CARMIL3: variants seen among roughly 807,000 people sequenced by gnomAD.
CARMIL3 encodes the protein capping protein regulator and myosin 1 linker 3.
In CARMIL3, 88 loss-of-function variants were observed where a neutral mutation model predicts 180.8. That is an observed-to-expected ratio of 0.49 (90% CI 0.41 to 0.58). CARMIL3 has a LOEUF of 0.58. Among genes scored for constraint, CARMIL3 ranks in the 20% least tolerant of loss-of-function variants. The pLI, the probability that CARMIL3 is intolerant of heterozygous loss-of-function variation, is 0.00. For missense variants in CARMIL3, 1,548 were observed against 1,787.0 expected (o/e 0.87, Z 2.41); for synonymous variants, 696 against 714.5 (o/e 0.97, Z 0.41).
At chr14:24,055,180 G>T in intron 7 of CARMIL3, 44 bp downstream of exon 7, 1 of 1,614,024 alleles carries the variant, frequency 6.2e-7, no homozygotes, top group South Asian at 1.1e-5. Flanking sequence ...GGGACCTGGA[G>T]GGAAGGGGCT....
rs774987708 is a variant in CARMIL3, at chr14:24,061,597, G to C, written c.2405G>C (p.Arg802Pro). ...HNKMLSNVAE[R>P]VTVPRNFIRG... ...AAGATGCTGAGCAATGTGGCGGAGC[G>C]TGTCACTGTGCCCCGGAACTTCATC... Residue 802 changes from arginine to proline, a missense_variant, in exon 27 of 40, where the codon CGT becomes CCT. Coordinates refer to ENST00000342740, the MANE Select transcript of CARMIL3 (RefSeq NM_138360.4). This position sits in a 1 kb window ranked among gnomAD's most constrained non-coding sequence, Gnocchi z 4.1. The C allele has an allele frequency of 6.2e-7, 1 of 1,613,978 alleles. No homozygotes were observed. The highest frequency in any genetic ancestry group is 8.5e-7 in the Non-Finnish European group (1 of 1,179,990).
intron 11 of CARMIL3, 113 bp from the exon 12 acceptor site, chr14:24,056,509 C>G (rs946080724): frequency 3.1e-5 from 45 of 1,459,130 alleles, no homozygotes; most frequent in Non-Finnish European, 3.9e-5. Context: ...TGCCCTGACA[C>G]CTCCATCCTT....
intron 1 of CARMIL3, 83 bp from the exon 2 acceptor site, chr14:24,053,626 C>A (rs1468131262): frequency 2.0e-6 from 2 of 1,003,176 alleles, no homozygotes; most frequent in Non-Finnish European, 3.0e-6. Flanking sequence ...TTGACCCTGA[C>A]CCTGCCTCTA....
chr14:24,055,915 C>A (rs549979731), intron 10 of CARMIL3, 126 bp downstream of exon 10: 6 of 929,208 alleles, frequency 6.5e-6, no homozygotes, highest in South Asian at 5.9e-5. Flanking sequence ...GAAGAGGAGA[C>A]CAAGGCCAAA....
chr14:24,063,734 G>A (rs187695296), intron 31 of CARMIL3, among the ~76,000 whole-genome samples: 93 of 152,248 alleles, frequency 6.1e-4, no homozygotes, highest in African/African-American at 2.2e-3. Flanking sequence ...TCTGTCTGCC[G>A]GGCAGTGTCA....
In CARMIL3 at chr14:24,053,705, T is replaced by A. The variant is rs1257779846; in HGVS notation, c.41-4T>A. 1 of 1,605,854 alleles carries A rather than the reference T, an allele frequency of 6.2e-7. No homozygotes were observed. On this transcript the variant is annotated splice_region_variant and splice_polypyrimidine_tract_variant and intron_variant, in intron 1 of 39. Transcript: ENST00000342740. ...GCTCTGAGCAGGCTCCCACCCCCCC[T>A]CAGACAGCATCCGGAGGTGCCTGAG... is the stretch of plus-strand genomic sequence containing the variant.
At chr14:24,066,788 GT>G in intron 36 of CARMIL3, 132 bp downstream of exon 36, 2 of 907,442 alleles carry the variant, frequency 2.2e-6, no homozygotes, top group Non-Finnish European at 3.4e-6. Flanking sequence ...CAGTGAAAAT[GT>G]TTAAGGATAT....
chr14:24,062,483 A>G lies in CARMIL3; in HGVS notation c.2484A>G (p.Glu828=), dbSNP rs1335508213. 1 of 1,614,102 alleles carries G rather than the reference A, an allele frequency of 6.2e-7. No homozygotes were observed. Among genetic ancestry groups the G allele is most frequent in the Admixed American group, 1.7e-5 (1 of 60,028 alleles). The change falls in exon 28 of 40, where the codon GAA becomes GAG. Residue 828 remains glutamate (E), a synonymous_variant. Transcript: ENST00000342740. ...AGQDIQNKLD[E]VKLSVVTYLT... is the part of the protein sequence containing the mutation. ...GTAGCCCCACCTGTGCCCACAGTGA[A>G]GTGAAGCTCTCAGTCGTCACCTACC...
Position 24,069,533 on chromosome 14 carries a change from TG to T in CARMIL3, c.*134del. Reference sequence around the variant, plus strand: ...AGGGGCAAGACGGCAGGACCAGGCATGGGGGAGCTGGAGGCAGGGACTAGAA... The same window carrying T: ...AGGGGCAAGACGGCAGGACCAGGCATGGGGAGCTGGAGGCAGGGACTAGAA... On this transcript the variant is annotated 3_prime_UTR_variant, in exon 40 of 40. Coordinates refer to ENST00000342740, the MANE Select transcript of CARMIL3 (RefSeq NM_138360.4). The T allele has an allele frequency of 2.4e-6, 3 of 1,234,216 alleles. No homozygotes were observed. The highest frequency in any genetic ancestry group is 5.0e-5 in the East Asian group (2 of 39,886). The allele number at this position is 1,234,216 out of a possible 1,614,324, so 76.5% of individuals were successfully genotyped here. A position where few individuals can be genotyped will look rare whatever the true frequency, so the allele number is the denominator to read the frequency against.
rs1379740074 is a variant in CARMIL3 at position 24,069,169 on chromosome 14, CT to C, written c.4016del (p.Leu1339ArgfsTer138). The C allele has an allele frequency of 2.5e-6, 4 of 1,613,994 alleles. No homozygotes were observed. Among genetic ancestry groups the C allele is most frequent in the Non-Finnish European group, 3.4e-6 (4 of 1,180,018 alleles). Reference sequence around the variant, plus strand: ...TGATCCAGGCCGGCGGACTGCCCCCCTGAAGCCCAAGAGGACACGGCGGGCA... The same window carrying C: ...TGATCCAGGCCGGCGGACTGCCCCCCGAAGCCCAAGAGGACACGGCGGGCA... ...PPDPGRRTAP[L>X]KPKRTRRAQS... On this transcript the variant is annotated frameshift_variant, in exon 39 of 40. Transcript: ENST00000342740. LOFTEE classifies it high-confidence loss of function.
chr14:24,055,115 C>A lies in CARMIL3; in HGVS notation c.510C>A (p.His170Gln), dbSNP rs774654357. The change falls in exon 7 of 40, where the codon CAC becomes CAA. Residue 170 changes from histidine (H) to glutamine (Q), a missense_variant. This residue lies in a region of CARMIL3 where 578 missense variants were observed against 666.5 expected (regional missense o/e 0.87). Coordinates refer to ENST00000342740, the MANE Select transcript of CARMIL3 (RefSeq NM_138360.4). ...YAALCDYNGL[H>Q]CREEVQWDVD... Reference sequence around the variant, plus strand: ...CTCTGTGTGACTACAATGGGCTACACTGCCGTGAGGAGGTTCAATGGGTAT... The same window carrying A: ...CTCTGTGTGACTACAATGGGCTACAATGCCGTGAGGAGGTTCAATGGGTAT... 11 of 1,613,848 alleles carry A rather than the reference C, an allele frequency of 6.8e-6. No individual in the cohort carries two copies. The East Asian group carries it at 2.2e-4, about 33-fold the overall frequency.
In CARMIL3 at chr14:24,060,076, G is replaced by A. The variant is rs550796186; in HGVS notation, c.1962+13G>A. On this transcript the variant is annotated intron_variant, in intron 23 of 39. Transcript: ENST00000342740. The stretch of plus-strand genomic sequence containing the variant: ...CGTCTGGCAGAAGGTGCAGGGTGCT[G>A]TCCTAAGCAGGGTGGCACAGCAAGG... 6.2e-7 allele frequency: 1 copy of A among 1,613,722 alleles called. No homozygotes were observed. Among genetic ancestry groups the A allele is most frequent in the Admixed American group, 1.7e-5 (1 of 60,012 alleles).
chr14:24,063,088 C>G lies in CARMIL3; in HGVS notation c.2707-32C>G, dbSNP rs374184762. 1.4e-4 allele frequency: 230 copies of G among 1,606,834 alleles called. 1 individual carries two copies. Among genetic ancestry groups the G allele is most frequent in the Non-Finnish European group, 1.8e-4 (217 of 1,174,168 alleles). ...GGAATGGATGGCTCTGGGTGAGGTG[C>G]CTGGCCCTGCCACTCGTCTTCATTT... On this transcript the variant is annotated intron_variant, in intron 29 of 39. Coordinates refer to ENST00000342740, the MANE Select transcript of CARMIL3 (RefSeq NM_138360.4).
Position 24,066,599 on chromosome 14 carries a change from C to G in CARMIL3, c.3625C>G (p.Gln1209Glu). The change falls in exon 36 of 40, where the codon CAA (glutamine) becomes GAA (glutamate). Residue 1209 changes from glutamine (Q) to glutamate (E), a missense_variant. Transcript: ENST00000342740. ...ATCCTGGAAGCCCCCACCACCGCCC[C>G]AAAGCACCAAACCAAGCTTCAGCGC... is the stretch of plus-strand genomic sequence containing the variant. The part of the protein sequence containing the change: ...PGSWKPPPPP[Q>E]STKPSFSAMR... 1 of 1,614,246 alleles carries G rather than the reference C, an allele frequency of 6.2e-7. No homozygotes were observed. Among genetic ancestry groups the G allele is most frequent in the South Asian group, 1.1e-5 (1 of 91,090 alleles).
At position 24,053,812 on chromosome 14, in the gene CARMIL3, A is replaced by T. The variant is rs1195082826; in HGVS notation, c.135+9A>T. On this transcript the variant is annotated intron_variant, in intron 2 of 39. Transcript: ENST00000342740. Reference sequence around the variant, plus strand: ...TTGAGGACCGAGTGCTGGTGAGGGCACTGGGCATGTGGGGAGGGAGGAGGT... The same window carrying T: ...TTGAGGACCGAGTGCTGGTGAGGGCTCTGGGCATGTGGGGAGGGAGGAGGT... The T allele has an allele frequency of 6.2e-6, 10 of 1,607,480 alleles. No individual in the cohort carries two copies. The highest frequency in any genetic ancestry group is 8.5e-6 in the Non-Finnish European group (10 of 1,176,240).
At chr14:24,069,312 G>A (rs113804926) in intron 39 of CARMIL3, 65 bp downstream of exon 39, 1 of 1,613,440 alleles carries the variant, frequency 6.2e-7, no homozygotes, top group African/African-American at 1.3e-5. Context: ...ACCCCCCGAA[G>A]CCCCAACACC....
intron 24 of CARMIL3, among the ~76,000 whole-genome samples, 161 bp downstream of exon 24, chr14:24,060,416 G>A (rs1346267667): frequency 6.6e-6 from 1 of 152,212 alleles, no homozygotes; most frequent in Non-Finnish European, 1.5e-5. Context: ...CAGGATATGG[G>A]CTTCAAACAT....
In CARMIL3 at chr14:24,052,272, C is replaced by A. The variant is rs566171095; in HGVS notation, c.40+79C>A. ...AGCGCGTTCCTCCCCGTGGTGCATC[C>A]CAGCCCGGTGTCTCACACCCCTCAC... On this transcript the variant is annotated intron_variant, in intron 1 of 39. Coordinates refer to ENST00000342740, the MANE Select transcript of CARMIL3 (RefSeq NM_138360.4). 2.1e-5 allele frequency: 30 copies of A among 1,422,160 alleles called. 1 individual carries two copies. The East Asian group carries it at 4.2e-4, about 20-fold the overall frequency. The allele number at this position is 1,422,160 out of a possible 1,614,324, so 88.1% of individuals were successfully genotyped here. A position where few individuals can be genotyped will look rare whatever the true frequency, so the allele number is the denominator to read the frequency against.
intron 27 of CARMIL3, chr14:24,062,028 A>C: frequency 3.1e-6 from 1 of 322,430 alleles, no homozygotes. Flanking sequence ...CATTGCCCCT[A>C]GAGTTCTTTC....
Sources: gnomAD v4.1 joint callset for allele counts (sites outside exome capture counted in the v4.1 genomes callset) on GRCh38, gnomAD v4.1.1 for gene constraint, gnomAD v4.1.1 regional missense constraint, Gnocchi (gnomAD v3.1) non-coding constraint, MANE v1.5 for transcripts, NCBI Gene and HGNC (gene_info 2026-07-23, HGNC 2026-07-21) for gene names.